The following LYRM4 variants were observed in gnomAD, a reference collection of about 807,000 sequenced individuals.
LYRM4 encodes the protein LYR motif containing 4.
A neutral mutation model predicts 11.7 loss-of-function variants in LYRM4; 9 were observed. The ratio of observed to expected loss-of-function variants is 0.77; its 90% CI spans 0.46 to 1.34. LYRM4 has a LOEUF of 1.34. LYRM4 is among the 40% of genes most tolerant of loss of function. The probability of loss-of-function intolerance (pLI) is 0.00; values close to 1 mark genes in which losing one functional copy is unlikely to be tolerated. For synonymous variants in LYRM4, 42 were observed against 40.4 expected (o/e 1.04, Z -0.15); for missense variants, 133 against 112.5 (o/e 1.18, Z -0.82).
At chr6:5,104,601 T>C (rs1762605297), downstream of LYRM4, 1 of 152,336 alleles carries the variant, frequency 6.6e-6, no homozygotes, top group African/African-American at 2.4e-5. Context: ...AATTATTAAA[T>C]GGATAAACAA....
At chr6:5,214,092 GGA>G (rs1762128446) in intron 2 of LYRM4, among the ~76,000 whole-genome samples, 1 of 152,234 alleles carries the variant, frequency 6.6e-6, no homozygotes, top group Non-Finnish European at 1.5e-5. Context: ...CAGCGACAGG[GGA>G]GATCCCTGTC....
chr6:5,037,924 C>T, the LYRM4 span, among the ~76,000 whole-genome samples: 1 of 46,526 alleles, frequency 2.1e-5, no homozygotes, highest in African/African-American at 6.1e-5. Flanking sequence ...CGGACGGGGC[C>T]GCTGGCCGGG....
At chr6:5,242,030 TCA>T (rs1763910669) in intron 1 of LYRM4, among the ~76,000 whole-genome samples, 1 of 151,824 alleles carries the variant, frequency 6.6e-6, no homozygotes, top group Non-Finnish European at 1.5e-5. Flanking sequence ...TACAAGGCCT[TCA>T]CACACACATT....
At chr6:5,085,708 GA>G in the LYRM4 span, 1 of 1,546,986 alleles carries the variant, frequency 6.5e-7, no homozygotes, top group Non-Finnish European at 8.7e-7. Flanking sequence ...GGAGCTGCTG[GA>G]ATGCCGCCGC....
At chr6:5,206,000 C>A (rs1761674564) in intron 2 of LYRM4, among the ~76,000 whole-genome samples, 1 of 152,168 alleles carries the variant, frequency 6.6e-6, no homozygotes, top group African/African-American at 2.4e-5. Context: ...CCGTGAAGAA[C>A]CAGCATTACA....
At chr6:5,086,017 G>A in the LYRM4 span, 1 of 1,499,344 alleles carries the variant, frequency 6.7e-7, no homozygotes, top group Non-Finnish European at 8.8e-7. Context: ...GGAGCAGCTC[G>A]GGGGGCTGCT....
At chr6:5,075,610 G>C in the LYRM4 span, among the ~76,000 whole-genome samples, 1 of 152,174 alleles carries the variant, frequency 6.6e-6, no homozygotes, top group African/African-American at 2.4e-5. Context: ...ATGAAAGGAA[G>C]AATGGGCATA....
intron 1 of LYRM4, among the ~76,000 whole-genome samples, chr6:5,230,262 T>C (rs886868937): frequency 3.9e-4 from 60 of 152,356 alleles, no homozygotes; most frequent in South Asian, 8.3e-4. Context: ...GCTTCATTTG[T>C]GGAGTCCTGC....
At chr6:5,110,165 A>G (rs17139439) in intron 2 of LYRM4, among the ~76,000 whole-genome samples, 27,464 of 152,178 alleles carry the variant, frequency 0.18, 2,702 homozygotes, top group African/African-American at 0.24. Flanking sequence ...GTTTTTCTGT[A>G]AAGCATTTCC....
the LYRM4 span, chr6:5,086,859 C>G: frequency 2.3e-6 from 1 of 438,740 alleles, no homozygotes; most frequent in East Asian, 3.9e-5. Context: ...AAGAAACTTC[C>G]AAGGCCCGGA....
intron 2 of LYRM4, among the ~76,000 whole-genome samples, chr6:5,214,298 G>A (rs35972876): frequency 0.026 from 4,009 of 152,304 alleles, 167 homozygotes; most frequent in African/African-American, 0.084. Context: ...CTGGGTGGAA[G>A]GGGGAGGGAG....
At chr6:5,117,386 C>G (rs1048233656) in intron 2 of LYRM4, among the ~76,000 whole-genome samples, 1 of 152,162 alleles carries the variant, frequency 6.6e-6, no homozygotes, top group Non-Finnish European at 1.5e-5. Flanking sequence ...GAAACGCTGT[C>G]TCTACTAAAA....
chr6:5,133,507 C>G (rs1386918905), intron 2 of LYRM4, among the ~76,000 whole-genome samples: 2 of 152,164 alleles, frequency 1.3e-5, no homozygotes, highest in Admixed American at 6.5e-5. Context: ...CACTGGCATC[C>G]CTTGGAGGGC....
chr6:5,112,808 GGCC>G (rs1239231584), intron 2 of LYRM4, among the ~76,000 whole-genome samples: 1 of 152,186 alleles, frequency 6.6e-6, no homozygotes, highest in Non-Finnish European at 1.5e-5. Flanking sequence ...AGAGCTCAGA[GGCC>G]CAGAGGCTGG....
At chr6:5,162,494 C>T (rs1969660) in intron 2 of LYRM4, among the ~76,000 whole-genome samples, 8 of 26,782 alleles carry the variant, frequency 3.0e-4, no homozygotes, top group East Asian at 1.1e-3. Flanking sequence ...CGACAGAGAG[C>T]GAGCGAGAGA....
intron 2 of LYRM4, among the ~76,000 whole-genome samples, chr6:5,213,459 G>A (rs1024270125): frequency 6.6e-6 from 1 of 152,164 alleles, no homozygotes; most frequent in Non-Finnish European, 1.5e-5. Flanking sequence ...TGCCTTTATG[G>A]CATGCATGTC....
At chr6:5,185,986 C>T (rs1053491433) in intron 2 of LYRM4, among the ~76,000 whole-genome samples, 3 of 152,096 alleles carry the variant, frequency 2.0e-5, no homozygotes, top group African/African-American at 4.8e-5. Context: ...AATGGTCAGA[C>T]GCTTTGGACA....
chr6:5,136,860 A>G (rs1757126491), intron 2 of LYRM4: 1 of 971,870 alleles, frequency 1.0e-6, no homozygotes, highest in African/African-American at 1.8e-5. Context: ...TTCATACACC[A>G]TCAAATCTAT....
chr6:5,129,395 C>A (rs1242351912), intron 2 of LYRM4, among the ~76,000 whole-genome samples: 1 of 152,140 alleles, frequency 6.6e-6, no homozygotes, highest in African/African-American at 2.4e-5. Flanking sequence ...GGCTTCTTCC[C>A]GAGGCTCTGG....
Sources: allele counts gnomAD v4.1 joint callset (sites outside exome capture counted in the v4.1 genomes callset), GRCh38; gene constraint gnomAD v4.1.1; transcripts MANE v1.5; gene names NCBI Gene and HGNC (gene_info 2026-07-23, HGNC 2026-07-21).